The following ME3 variants were observed in gnomAD, a reference collection of about 807,000 sequenced individuals.
ME3 encodes the protein NADP-dependent malic enzyme, mitochondrial.
In ME3, 48 loss-of-function variants were observed where a neutral mutation model predicts 68.9. The observed-to-expected ratio is 0.70, with a 90% confidence interval of 0.55 to 0.89. The LOEUF is 0.89. ME3 is among the 40% of genes least tolerant of loss of function. The probability of loss-of-function intolerance (pLI) is 0.00; values close to 1 mark genes in which losing one functional copy is unlikely to be tolerated. For synonymous variants in ME3, 320 were observed against 318.8 expected, an observed-to-expected ratio of 1.00 and a Z score of -0.04; for missense variants, 675 against 797.4, an observed-to-expected ratio of 0.85 and a Z score of 1.85.
intron 8 of ME3, among the ~76,000 whole-genome samples, chr11:86,457,113 C>T (rs768120425): frequency 2.0e-5 from 3 of 152,212 alleles, no homozygotes; most frequent in Non-Finnish European, 4.4e-5. Context: ...TTTTTGCCTA[C>T]TTGTCCCATT....
chr11:86,583,728 TAA>T (rs1026965888), intron 2 of ME3, among the ~76,000 whole-genome samples: 4 of 152,138 alleles, frequency 2.6e-5, no homozygotes, highest in African/African-American at 7.2e-5. Flanking sequence ...GACAGATAAA[TAA>T]AGAGTTAATT....
intron 4 of ME3, among the ~76,000 whole-genome samples, chr11:86,537,664 G>C (rs1955770243): frequency 6.6e-6 from 1 of 152,190 alleles, no homozygotes; most frequent in South Asian, 2.1e-4. Flanking sequence ...CCCATGTCAG[G>C]CTTGCTGAAG....
chr11:86,528,529 C>T (rs534042909), intron 4 of ME3, among the ~76,000 whole-genome samples: 17 of 152,236 alleles, frequency 1.1e-4, no homozygotes, highest in African/African-American at 3.4e-4. Context: ...ACAGAACTCT[C>T]CACCCCAAAT....
chr11:86,580,252 CACA>C (rs1958361597), intron 2 of ME3, among the ~76,000 whole-genome samples: 2 of 152,130 alleles, frequency 1.3e-5, no homozygotes, highest in African/African-American at 4.8e-5. Context: ...TGTTGATGTT[CACA>C]GAGACCTGCA....
At chr11:86,470,772 T>C (rs1594085157) in intron 7 of ME3, among the ~76,000 whole-genome samples, 1 of 152,318 alleles carries the variant, frequency 6.6e-6, no homozygotes, top group East Asian at 1.9e-4. Flanking sequence ...TTACTGCCAT[T>C]GCTGCTTCTG....
At chr11:86,445,902 C>T (rs1019695952) in intron 13 of ME3, among the ~76,000 whole-genome samples, 2 of 151,974 alleles carry the variant, frequency 1.3e-5, no homozygotes, top group African/African-American at 4.8e-5. Context: ...GGGCTTACTA[C>T]CGCCAGTTAC....
chr11:86,637,566 C>A (rs1944413908), intron 2 of ME3, among the ~76,000 whole-genome samples: 1 of 152,104 alleles, frequency 6.6e-6, no homozygotes, highest in African/African-American at 2.4e-5. Context: ...CACTTAGGAG[C>A]AGTGAGTCTT....
In ME3 at chr11:86,671,765, G is replaced by A. The variant is rs749512651; in HGVS notation, c.180C>T (p.Asn60=). 3.1e-6 allele frequency: 5 copies of A among 1,603,678 alleles called. No homozygotes were observed. In the South Asian group the frequency reaches 5.6e-5, roughly 18 times the overall value. ...GTCCTGCCCTCTGGCCCATTACCTT[G>A]TTGAGATGAGGGTTCCTGGTGACAT... The change falls in exon 2 of 15, where the codon AAC becomes AAT. Residue 60 remains asparagine, a synonymous_variant. Transcript: ENST00000543262.
intron 4 of ME3, among the ~76,000 whole-genome samples, chr11:86,510,519 T>C (rs1019444474): frequency 6.6e-6 from 1 of 152,242 alleles, no homozygotes; most frequent in Non-Finnish European, 1.5e-5. Context: ...CCAAGGCTTT[T>C]GGCCAATGAC....
chr11:86,458,515 A>G (rs909155813), intron 8 of ME3, among the ~76,000 whole-genome samples: 2 of 152,122 alleles, frequency 1.3e-5, no homozygotes, highest in South Asian at 4.2e-4. Flanking sequence ...CTGTTGCAAC[A>G]GCTAAAAGGG....
At chr11:86,453,262 A>C (rs1949735323) in intron 8 of ME3, among the ~76,000 whole-genome samples, 1 of 152,144 alleles carries the variant, frequency 6.6e-6, no homozygotes, top group African/African-American at 2.4e-5. Flanking sequence ...GACCTCCGAA[A>C]GTGCTGGGAT....
intron 5 of ME3, among the ~76,000 whole-genome samples, chr11:86,507,461 T>C (rs879517167): frequency 6.6e-6 from 1 of 151,220 alleles, no homozygotes; most frequent in Non-Finnish European, 1.5e-5. Flanking sequence ...CCTTGTACTA[T>C]GCTTGGTCAG....
intron 2 of ME3, among the ~76,000 whole-genome samples, chr11:86,657,700 G>T (rs1945997593): frequency 6.6e-6 from 1 of 152,050 alleles, no homozygotes. Flanking sequence ...CTAGAAGAAA[G>T]ACTCCTGAGG....
At chr11:86,465,340 C>T (rs997233191) in intron 7 of ME3, 140 bp from the exon 8 acceptor site, 37 of 673,508 alleles carry the variant, frequency 5.5e-5, no homozygotes, top group Admixed American at 5.2e-4. Flanking sequence ...GTTTTTGCCA[C>T]TGGTTGGCTC....
At chr11:86,525,839 G>T (rs188451449) in intron 4 of ME3, among the ~76,000 whole-genome samples, 1 of 140,684 alleles carries the variant, frequency 7.1e-6, no homozygotes, top group Non-Finnish European at 1.5e-5. Context: ...TCCAGCCTGG[G>T]CAACAAGGGC....
intron 7 of ME3, among the ~76,000 whole-genome samples, chr11:86,485,205 A>G (rs1951617019): frequency 6.6e-6 from 1 of 152,212 alleles, no homozygotes; most frequent in African/African-American, 2.4e-5. Context: ...CTTCTGAAAG[A>G]AGAGCTTTTA....
At chr11:86,508,945 T>C in intron 4 of ME3, 78 bp from the exon 5 acceptor site, 1 of 1,164,418 alleles carries the variant, frequency 8.6e-7, no homozygotes, top group East Asian at 2.4e-5. Context: ...TAGTACTAGG[T>C]ATTGCATTAA....
chr11:86,589,744 C>T (rs920226904), intron 2 of ME3, among the ~76,000 whole-genome samples: 1 of 152,212 alleles, frequency 6.6e-6, no homozygotes, highest in Non-Finnish European at 1.5e-5. Context: ...ACTTGCATGG[C>T]TTCTGCTTTT....
At chr11:86,494,155 A>G (rs1044259809) in intron 6 of ME3, among the ~76,000 whole-genome samples, 4 of 152,124 alleles carry the variant, frequency 2.6e-5, no homozygotes, top group African/African-American at 9.7e-5. Flanking sequence ...AACTTTGAAA[A>G]TTTTGTGTCC....
Sources: allele counts gnomAD v4.1 joint callset (sites outside exome capture counted in the v4.1 genomes callset), GRCh38; gene constraint gnomAD v4.1.1; transcripts MANE v1.5; gene names NCBI Gene and HGNC (gene_info 2026-07-23, HGNC 2026-07-21).